The following DOCK11 variants were observed in gnomAD, a reference collection of about 807,000 sequenced individuals.
The protein encoded by DOCK11 is dedicator of cytokinesis protein 11.
Under a neutral mutation model 169.1 loss-of-function variants are expected in DOCK11, and 70 were observed. The observed-to-expected ratio is 0.41, with a 90% CI of 0.34 to 0.51. DOCK11 has a LOEUF of 0.51. DOCK11 is among the 20% of genes least tolerant of loss of function. DOCK11 has a pLI of 0.10. For synonymous variants in DOCK11, 529 were observed against 541.3 expected (o/e 0.98, Z 0.32); for missense variants, 1,166 against 1,538.8 (o/e 0.76, Z 4.05).
chrX:118,535,222 T>C (rs1482823822), intron 1 of DOCK11, among the ~76,000 whole-genome samples: 1 of 112,145 alleles, frequency 8.9e-6, no homozygotes, highest in Non-Finnish European at 1.9e-5. Context: ...AAGGTTTATG[T>C]GGATCATGGT....
At chrX:118,684,468 A>T (rs1207458716) in intron 52 of DOCK11, among the ~76,000 whole-genome samples, 1 of 105,946 alleles carries the variant, frequency 9.4e-6, no homozygotes, top group Non-Finnish European at 1.9e-5. Context: ...AGAGATGGGG[A>T]TTTCACCATG....
chrX:118,656,821 A>G (rs1251143899), intron 44 of DOCK11, among the ~76,000 whole-genome samples: 1 of 110,947 alleles, frequency 9.0e-6, no homozygotes, highest in Non-Finnish European at 1.9e-5. Context: ...TGTAATCCCA[A>G]CTACTCAGAA....
At chrX:118,647,139 A>ATGTGTG (rs200211345) in intron 40 of DOCK11, among the ~76,000 whole-genome samples, 90 of 85,522 alleles carry the variant, frequency 1.1e-3, no homozygotes, top group Non-Finnish European at 1.8e-3. Flanking sequence ...TGAAGAGGAT[A>ATGTGTG]TGTGTGTGTG....
intron 1 of DOCK11, among the ~76,000 whole-genome samples, chrX:118,532,654 G>A (rs1041822353): frequency 1.8e-5 from 2 of 109,057 alleles, no homozygotes; most frequent in Admixed American, 1.9e-4. Context: ...GGTGGTGGGC[G>A]CCTGTAGCCC....
At chrX:118,639,611 C>T in intron 38 of DOCK11, 34 bp downstream of exon 38, 1 of 1,171,721 alleles carries the variant, frequency 8.5e-7, no homozygotes. Flanking sequence ...ACCCATTTGA[C>T]CTTAAAGAAG....
chrX:118,524,590 T>C (rs2011331640), intron 1 of DOCK11, among the ~76,000 whole-genome samples: 1 of 111,413 alleles, frequency 9.0e-6, no homozygotes, highest in Non-Finnish European at 1.9e-5. Context: ...AGACATTTCT[T>C]TGAAGATGAT....
intron 48 of DOCK11, among the ~76,000 whole-genome samples, chrX:118,679,574 C>CA (rs1429820460): frequency 1.8e-5 from 2 of 110,451 alleles, no homozygotes; most frequent in East Asian, 2.8e-4. Context: ...CTCATTTCTA[C>CA]AAAAAAATTT....
rs191937885 is a variant in DOCK11, at chrX:118,519,447, G to C, written c.103-23278G>C. Among the ~76,000 whole-genome samples the C allele has an allele frequency of 2.7e-5, 3 of 112,085 alleles. No individual in the cohort carries two copies. The East Asian group carries it at 8.4e-4, about 31-fold the overall frequency. On this transcript the variant is annotated intron_variant, in intron 1 of 52. Coordinates refer to ENST00000276202, the MANE Select transcript of DOCK11 (RefSeq NM_144658.4). The stretch of plus-strand genomic sequence containing the variant: ...CACCTGTAATCCCAGCTACTCGGGT[G>C]GTGGAGGCAGGAGAAATGCTTGAAC...
chrX:118,589,198 C>T (rs942798475), intron 18 of DOCK11, among the ~76,000 whole-genome samples: 1 of 109,640 alleles, frequency 9.1e-6, no homozygotes, highest in Non-Finnish European at 1.9e-5. Context: ...TGAATAATAG[C>T]CCCTACCTTT....
chrX:118,651,864 G>T, intron 41 of DOCK11, 100 bp from the exon 42 acceptor site: 1 of 527,394 alleles, frequency 1.9e-6, no homozygotes, highest in Non-Finnish European at 3.2e-6. Flanking sequence ...ATCTTTAAAA[G>T]AAGCATTTCA....
intron 52 of DOCK11, among the ~76,000 whole-genome samples, chrX:118,684,429 C>A (rs1193995099): frequency 9.2e-6 from 1 of 108,419 alleles, no homozygotes; most frequent in African/African-American, 3.4e-5. Context: ...CGTGCCACCA[C>A]GCCTGGCTAA....
In DOCK11 at chrX:118,654,969, A is replaced by G; in HGVS notation, c.4969+8A>G. 5 of 1,201,594 alleles carry G rather than the reference A, an allele frequency of 4.2e-6. No individual in the cohort carries two copies. The highest frequency in any genetic ancestry group is 5.6e-6 in the Non-Finnish European group (5 of 886,765). ...AGTTTCTTCATCGAAAAAGTAAGAT[A>G]TTTCTGTTTTTAGAGATGGGGGGAT... On this transcript the variant is annotated splice_region_variant and intron_variant, in intron 44 of 52. Coordinates refer to ENST00000276202, the MANE Select transcript of DOCK11 (RefSeq NM_144658.4).
intron 48 of DOCK11, among the ~76,000 whole-genome samples, chrX:118,677,585 C>T (rs1343943194): frequency 8.9e-6 from 1 of 112,479 alleles, no homozygotes; most frequent in Non-Finnish European, 1.9e-5. Flanking sequence ...GAAGCATTAC[C>T]AGAGTGAAAA....
intron 44 of DOCK11, among the ~76,000 whole-genome samples, chrX:118,657,865 C>A (rs992333731): frequency 9.1e-6 from 1 of 110,054 alleles, no homozygotes; most frequent in Admixed American, 9.7e-5. Flanking sequence ...AAAGACTACA[C>A]ATTGGGTACT....
chrX:118,644,554 G>C (rs774133494), intron 40 of DOCK11, among the ~76,000 whole-genome samples: 1 of 111,788 alleles, frequency 8.9e-6, no homozygotes, highest in African/African-American at 3.3e-5. Flanking sequence ...GTCCCTAAAG[G>C]CTTATTGTCC....
In DOCK11 at chrX:118,654,700, A is replaced by G. The variant is rs1243713814; in HGVS notation, c.4794A>G (p.Glu1598=). The change falls in exon 43 of 53, where the codon GAA becomes GAG. Residue 1598 remains glutamate, a synonymous_variant. Coordinates refer to ENST00000276202, the MANE Select transcript of DOCK11 (RefSeq NM_144658.4). ...AQMKEHEKDP[E]MLIDLQYSLA... is the part of the protein sequence containing the mutation. ...TGAAGGAGCATGAGAAAGACCCTGAAATGCTAATTGATCTCCAGTATAGCT... is the reference window on the plus strand; with the variant it reads ...TGAAGGAGCATGAGAAAGACCCTGAGATGCTAATTGATCTCCAGTATAGCT... The G allele has an allele frequency of 8.3e-7, 1 of 1,210,012 alleles. No homozygotes were observed. The highest frequency in any genetic ancestry group is 1.7e-5 in the African/African-American group (1 of 57,224).
intron 44 of DOCK11, among the ~76,000 whole-genome samples, chrX:118,659,909 G>C (rs1424026076): frequency 8.9e-6 from 1 of 111,990 alleles, no homozygotes; most frequent in Non-Finnish European, 1.9e-5. Flanking sequence ...CCTACATTTG[G>C]AAATGACTTA....
chrX:118,680,728 C>T, intron 49 of DOCK11, 36 bp downstream of exon 49: 1 of 1,088,868 alleles, frequency 9.2e-7, no homozygotes, highest in Non-Finnish European at 1.2e-6. Flanking sequence ...TCTTATTTGT[C>T]TTGGTCTTTT....
rs1171674232 is a variant in DOCK11, at chrX:118,654,730, C to T, written c.4824C>T (p.Ala1608=). 3 of 1,210,055 alleles carry T rather than the reference C, an allele frequency of 2.5e-6. No homozygotes were observed. Among genetic ancestry groups the T allele is most frequent in the South Asian group, 1.8e-5 (1 of 56,856 alleles). ...EMLIDLQYSL[A]KSYASTPELR... ...TAATTGATCTCCAGTATAGCTTAGC[C>T]AAGTCCTATGCAAGCACCCCAGAGC... The change falls in exon 43 of 53, where the codon GCC becomes GCT. Residue 1608 remains alanine (A), a synonymous_variant. Transcript: ENST00000276202.
Sources: allele counts gnomAD v4.1 joint callset (sites outside exome capture counted in the v4.1 genomes callset), GRCh38; gene constraint gnomAD v4.1.1; transcripts MANE v1.5; gene names NCBI Gene and HGNC (gene_info 2026-07-23, HGNC 2026-07-21).